Variants in ZPBP observed in about 807,000 individuals in gnomAD.
The protein encoded by ZPBP is zona pellucida-binding protein 1.
Under a neutral mutation model 44.8 loss-of-function variants are expected in ZPBP, and 26 were observed. That is an observed-to-expected ratio of 0.58 (90% CI 0.43 to 0.81). The LOEUF is 0.81. Ranked by LOEUF, ZPBP falls within the 30% of genes least tolerant of loss-of-function variation. The pLI, the probability that ZPBP is intolerant of heterozygous loss-of-function variation, is 0.00. For missense variants in ZPBP, 409 were observed against 434.0 expected (o/e 0.94, Z 0.51); for synonymous variants, 174 against 153.2 (o/e 1.14, Z -1.00).
intron 3 of ZPBP, among the ~76,000 whole-genome samples, chr7:50,058,727 C>T (rs566809052): frequency 6.7e-4 from 102 of 152,222 alleles, no homozygotes; most frequent in African/African-American, 2.3e-3. Flanking sequence ...CCCAACATCA[C>T]ATAATCACAC....
Position 49,943,239 on chromosome 7 carries a change from A to G in ZPBP, c.962-5617T>C, listed in dbSNP as rs147383198. The G allele has an allele frequency of 2.2e-4, 68 of 311,140 alleles. No homozygotes were observed. In the East Asian group the frequency reaches 2.5e-3, roughly 11 times the overall value. 19.3% of individuals were successfully genotyped at this position (311,140 alleles called of 1,614,324 possible). A position where few individuals can be genotyped will look rare whatever the true frequency, so the allele number is the denominator to read the frequency against. On this transcript the variant is annotated intron_variant, in intron 7 of 7. Transcript: ENST00000046087. ...TGTCTTGCTGATATATTCTGGCTTT[A>G]CTTGTTCAAGTACAACATCAATGCA...
At chr7:50,059,132 C>T (rs1031559042) in intron 3 of ZPBP, among the ~76,000 whole-genome samples, 4 of 152,096 alleles carry the variant, frequency 2.6e-5, no homozygotes, top group African/African-American at 9.7e-5. Flanking sequence ...GTCTGATATT[C>T]CATTCATTAG....
intron 6 of ZPBP, among the ~76,000 whole-genome samples, chr7:50,013,291 G>C (rs903495214): frequency 2.0e-5 from 3 of 151,848 alleles, no homozygotes; most frequent in Non-Finnish European, 4.4e-5. Context: ...CCTGCATAAT[G>C]TAACAGTGAT....
chr7:50,029,842 TTGC>T (rs1045907286), intron 5 of ZPBP, among the ~76,000 whole-genome samples: 2 of 115,556 alleles, frequency 1.7e-5, no homozygotes, highest in Admixed American at 8.4e-5. Context: ...GTTGTTGTTG[TTGC>T]TGTTGTTGTT....
intron 3 of ZPBP, among the ~76,000 whole-genome samples, chr7:50,079,436 A>G (rs1802258779): frequency 6.6e-6 from 1 of 151,606 alleles, no homozygotes; most frequent in African/African-American, 2.4e-5. Flanking sequence ...GCTAAGTAAA[A>G]TAAGGCAGAA....
intron 2 of ZPBP, among the ~76,000 whole-genome samples, chr7:49,877,784 T>C (rs973998015): frequency 2.0e-5 from 3 of 151,492 alleles, no homozygotes; most frequent in African/African-American, 7.3e-5. Flanking sequence ...ATTATTATTG[T>C]TGTCATTATT....
Position 50,031,235 on chromosome 7 carries a change from ATATTAT to A in ZPBP, c.557_562del (p.Tyr186_Ile188delinsPhe). 6 of 1,613,092 alleles carry A rather than the reference ATATTAT, an allele frequency of 3.7e-6. No individual in the cohort carries two copies. The highest frequency in any genetic ancestry group is 5.1e-6 in the Non-Finnish European group (6 of 1,179,830). On this transcript the variant is annotated inframe_deletion, in exon 5 of 8. Transcript: ENST00000046087. Reference sequence around the variant, plus strand: ...CTGAAGAAGTTTCTTCTCAAAAGAAATATTATAAATGCTATTGCAGGGAGCTGCATG... The same window carrying A: ...CTGAAGAAGTTTCTTCTCAAAAGAAAAAATGCTATTGCAGGGAGCTGCATG...
intron 2 of ZPBP, among the ~76,000 whole-genome samples, chr7:49,896,366 C>T (rs1303200561): frequency 6.6e-6 from 1 of 152,056 alleles, no homozygotes; most frequent in African/African-American, 2.4e-5. Context: ...TAACACATCA[C>T]AACTTGTGAG....
chr7:49,997,272 GAATC>G (rs1429603287), intron 6 of ZPBP, among the ~76,000 whole-genome samples: 11 of 152,068 alleles, frequency 7.2e-5, no homozygotes, highest in Admixed American at 2.0e-4. Context: ...ATGTTTCAGC[GAATC>G]AATCAAACTG....
intron 5 of ZPBP, among the ~76,000 whole-genome samples, chr7:50,020,515 G>A (rs139321783): frequency 1.3e-5 from 2 of 152,024 alleles, no homozygotes; most frequent in Non-Finnish European, 2.9e-5. Flanking sequence ...CACCATATCA[G>A]GCAAACCACA....
At chr7:49,993,425 T>C (rs1797652710) in intron 6 of ZPBP, among the ~76,000 whole-genome samples, 1 of 152,152 alleles carries the variant, frequency 6.6e-6, no homozygotes, top group Non-Finnish European at 1.5e-5. Context: ...AATATATTGA[T>C]AACTAAATTA....
At position 49,858,551 on chromosome 7, in the gene ZPBP, G is replaced by C. The variant is rs138756055; in HGVS notation, n.510-8037C>G. On this transcript the variant is annotated intron_variant and non_coding_transcript_variant, in intron 2 of 2. Coordinates refer to the ZPBP transcript ENST00000465922. ...AGGGGAACATCACACACTGGGGCCT[G>C]TTGTGGGGTGGGGGAGGGGGGAGGG... 7.0e-3 allele frequency among the ~76,000 whole-genome samples: 937 copies of C among 134,364 alleles called. 6 individuals carry two copies. Among genetic ancestry groups the C allele is most frequent in the African/African-American group, 0.025 (881 of 35,688 alleles). 88.1% of individuals were successfully genotyped at this position (134,364 alleles called of 152,430 possible).
At chr7:50,055,782 T>G (rs1051421091) in intron 4 of ZPBP, among the ~76,000 whole-genome samples, 9 of 152,188 alleles carry the variant, frequency 5.9e-5, no homozygotes, top group African/African-American at 1.9e-4. Flanking sequence ...TTAGCTATCA[T>G]TATCATTATT....
chr7:49,979,842 T>C (rs1365297307), intron 7 of ZPBP, among the ~76,000 whole-genome samples: 1 of 76,094 alleles, frequency 1.3e-5, no homozygotes, highest in Non-Finnish European at 2.4e-5. Context: ...TATATATATA[T>C]ATATAAAATA....
At chr7:49,984,959 C>T (rs1263232194) in intron 6 of ZPBP, among the ~76,000 whole-genome samples, 1 of 152,134 alleles carries the variant, frequency 6.6e-6, no homozygotes, top group Non-Finnish European at 1.5e-5. Flanking sequence ...TGCATGTTCT[C>T]CTCATGTCTG....
chr7:50,051,526 C>A (rs1800695529), intron 4 of ZPBP, among the ~76,000 whole-genome samples: 1 of 151,960 alleles, frequency 6.6e-6, no homozygotes, highest in African/African-American at 2.4e-5. Flanking sequence ...AATAATGATT[C>A]CATGTCATTG....
chr7:50,074,570 T>A (rs1801993897), intron 3 of ZPBP, among the ~76,000 whole-genome samples: 2 of 151,732 alleles, frequency 1.3e-5, no homozygotes, highest in African/African-American at 4.8e-5. Context: ...TAAAGGGATA[T>A]AAAAAGATAC....
At chr7:49,958,671 G>A (rs1233651155) in intron 7 of ZPBP, among the ~76,000 whole-genome samples, 2 of 152,206 alleles carry the variant, frequency 1.3e-5, no homozygotes, top group African/African-American at 2.4e-5. Context: ...TATGGAGTCT[G>A]TGGTATTCTG....
Position 50,019,143 on chromosome 7 carries a change from G to A in ZPBP, c.707-827C>T, listed in dbSNP as rs1798961883. ...CAAGGGGCTGAATAATGTGATTTTT[G>A]TCACCCTTTCCAGTTATGAGGATAT... On this transcript the variant is annotated intron_variant, in intron 5 of 7. Transcript: ENST00000046087. Among the ~76,000 whole-genome samples the A allele has an allele frequency of 2.6e-5, 4 of 151,960 alleles. No individual in the cohort carries two copies. In the South Asian group the frequency reaches 8.3e-4, roughly 31 times the overall value.
Sources: gnomAD v4.1 joint callset for allele counts (sites outside exome capture counted in the v4.1 genomes callset) on GRCh38, gnomAD v4.1.1 for gene constraint, MANE v1.5 for transcripts, NCBI Gene and HGNC (gene_info 2026-07-23, HGNC 2026-07-21) for gene names.